TMEM163: variants seen among roughly 807,000 people sequenced by gnomAD.
TMEM163 encodes the protein transmembrane protein 163.
Under a neutral mutation model 29.3 loss-of-function variants are expected in TMEM163, and 17 were observed. That is an observed-to-expected ratio of 0.58 (90% CI 0.40 to 0.87). The LOEUF (loss-of-function observed/expected upper bound fraction) is 0.87. Ranked by LOEUF, TMEM163 falls within the 40% of genes least tolerant of loss-of-function variation. The probability of loss-of-function intolerance (pLI) is 0.00; values close to 1 mark genes in which losing one functional copy is unlikely to be tolerated. For synonymous variants in TMEM163, 157 were observed against 160.6 expected (o/e 0.98, Z 0.17); for missense variants, 303 against 381.5 (o/e 0.79, Z 1.71).
intron 2 of TMEM163, among the ~76,000 whole-genome samples, chr2:134,675,915 T>A (rs1045765291): frequency 2.0e-5 from 3 of 152,072 alleles, no homozygotes; most frequent in African/African-American, 7.2e-5. Context: ...TAAATAGACA[T>A]GTTAGCTAGC....
intron 5 of TMEM163, 125 bp downstream of exon 5, chr2:134,502,776 G>T: frequency 1.4e-6 from 1 of 727,600 alleles, no homozygotes; most frequent in Non-Finnish European, 2.2e-6. Flanking sequence ...AAGTTCTTCT[G>T]ACCCCCAGAA....
intron 2 of TMEM163, among the ~76,000 whole-genome samples, chr2:134,598,712 T>A (rs555508016): frequency 2.3e-4 from 35 of 151,288 alleles, no homozygotes; most frequent in Admixed American, 5.9e-4. Context: ...AGCTCAGGAG[T>A]TCGAGACCAG....
intron 4 of TMEM163, among the ~76,000 whole-genome samples, chr2:134,549,399 C>A (rs560737448): frequency 1.3e-5 from 2 of 152,340 alleles, no homozygotes; most frequent in South Asian, 2.1e-4. Flanking sequence ...CCAGGCTGCA[C>A]TGCAGTGGCA....
chr2:134,662,114 T>A (rs2104859583), intron 2 of TMEM163, among the ~76,000 whole-genome samples: 1 of 152,058 alleles, frequency 6.6e-6, no homozygotes, highest in South Asian at 2.1e-4. Flanking sequence ...TTTTTGTATT[T>A]TTAGTAGAGT....
intron 5 of TMEM163, among the ~76,000 whole-genome samples, chr2:134,502,117 T>G (rs991682121): frequency 4.6e-5 from 7 of 152,176 alleles, no homozygotes; most frequent in Non-Finnish European, 7.4e-5. Flanking sequence ...AAAGTAAAAT[T>G]AAAGGTCTAA....
intron 5 of TMEM163, among the ~76,000 whole-genome samples, chr2:134,497,274 CCAAG>C (rs1448764510): frequency 6.6e-6 from 1 of 152,154 alleles, no homozygotes; most frequent in Non-Finnish European, 1.5e-5. Flanking sequence ...ACTCTGAATC[CCAAG>C]TGCCTAGACA....
At chr2:134,561,303 A>T (rs1485562808) in intron 2 of TMEM163, among the ~76,000 whole-genome samples, 1 of 152,214 alleles carries the variant, frequency 6.6e-6, no homozygotes, top group Non-Finnish European at 1.5e-5. Context: ...TTCTGGGTTC[A>T]CGCCATTCTC....
At chr2:134,554,351 G>A (rs779906582) in intron 2 of TMEM163, among the ~76,000 whole-genome samples, 30 of 150,396 alleles carry the variant, frequency 2.0e-4, no homozygotes, top group African/African-American at 6.9e-4. Flanking sequence ...ACTTGAACCC[G>A]GGAGGCAGAG....
At chr2:134,608,624 C>T (rs1648129335) in intron 2 of TMEM163, among the ~76,000 whole-genome samples, 1 of 67,908 alleles carries the variant, frequency 1.5e-5, no homozygotes, top group Admixed American at 1.3e-4. Flanking sequence ...GGACAGACCC[C>T]GAGAACTGTG....
intron 2 of TMEM163, among the ~76,000 whole-genome samples, chr2:134,671,816 T>C (rs1047289513): frequency 2.0e-5 from 3 of 152,154 alleles, no homozygotes; most frequent in African/African-American, 7.2e-5. Flanking sequence ...TCCACCCCTC[T>C]CTAGCTGTGA....
chr2:134,688,209 T>C (rs1236198591), intron 2 of TMEM163, among the ~76,000 whole-genome samples: 4 of 152,096 alleles, frequency 2.6e-5, no homozygotes, highest in Non-Finnish European at 5.9e-5. Context: ...CTGGTTCTGC[T>C]TCAGTTATGT....
chr2:134,712,066 T>A (rs1359070431), intron 2 of TMEM163, among the ~76,000 whole-genome samples: 2 of 152,172 alleles, frequency 1.3e-5, no homozygotes, highest in Non-Finnish European at 2.9e-5. Context: ...GAATTCCCCT[T>A]GATTAGATTT....
At chr2:134,608,996 A>AAGG (rs558657882) in intron 2 of TMEM163, among the ~76,000 whole-genome samples, 5 of 77,262 alleles carry the variant, frequency 6.5e-5, no homozygotes, top group African/African-American at 2.3e-4. Flanking sequence ...TACTGGTGAA[A>AAGG]AGGACAGACC....
chr2:134,696,426 T>G (rs1684583206), intron 2 of TMEM163, among the ~76,000 whole-genome samples: 1 of 152,184 alleles, frequency 6.6e-6, no homozygotes, highest in Non-Finnish European at 1.5e-5. Context: ...GCTTACCAAC[T>G]GCACTGGAAA....
chr2:134,573,360 T>C (rs923237407), intron 2 of TMEM163, among the ~76,000 whole-genome samples: 3 of 152,222 alleles, frequency 2.0e-5, no homozygotes, highest in African/African-American at 7.2e-5. Flanking sequence ...AGTATTTAAA[T>C]GTATCAGAAA....
At chr2:134,502,257 TC>T in intron 5 of TMEM163, among the ~76,000 whole-genome samples, 1 of 152,266 alleles carries the variant, frequency 6.6e-6, no homozygotes, top group East Asian at 1.9e-4. Context: ...AATGGCAGCA[TC>T]TTCATCTCCT....
chr2:134,457,611 A>G (rs1686428646), intron 7 of TMEM163, among the ~76,000 whole-genome samples: 1 of 152,224 alleles, frequency 6.6e-6, no homozygotes, highest in South Asian at 2.1e-4. Flanking sequence ...AAGTTCTCTA[A>G]GGCTAGGGAT....
At chr2:134,605,975 G>T (rs1226399044) in intron 2 of TMEM163, among the ~76,000 whole-genome samples, 1 of 152,186 alleles carries the variant, frequency 6.6e-6, no homozygotes, top group Non-Finnish European at 1.5e-5. Context: ...CCCCCTGGGG[G>T]TGATTTTGGT....
intron 2 of TMEM163, among the ~76,000 whole-genome samples, chr2:134,673,712 C>T (rs1226804636): frequency 1.3e-5 from 2 of 152,074 alleles, no homozygotes; most frequent in Admixed American, 6.6e-5. Context: ...GTGGAGAGAG[C>T]CCACGAGCTG....
Sources: allele counts gnomAD v4.1 joint callset (sites outside exome capture counted in the v4.1 genomes callset), GRCh38; gene constraint gnomAD v4.1.1; transcripts MANE v1.5; gene names NCBI Gene and HGNC (gene_info 2026-07-23, HGNC 2026-07-21).